Variants in ZNF205 observed in about 807,000 individuals in gnomAD.
The protein encoded by ZNF205 is transcriptional repressor RHIT.
ZNF205 carries 32 observed loss-of-function variants against 53.6 expected under a neutral mutation model. The observed-to-expected ratio is 0.60, with a 90% confidence interval of 0.45 to 0.80. ZNF205 has a LOEUF of 0.80. ZNF205 is among the 30% of genes least tolerant of loss of function. The pLI is 0.00. For missense variants in ZNF205, 836 were observed against 782.4 expected, an observed-to-expected ratio of 1.07 and a Z score of -0.82; for synonymous variants, 382 against 334.3, an observed-to-expected ratio of 1.14 and a Z score of -1.56.
chr16:3,119,195 C>T (rs889934237), intron 6 of ZNF205, 61 bp from the exon 7 acceptor site: 1 of 1,525,474 alleles, frequency 6.6e-7, no homozygotes. Flanking sequence ...TCTGCCTTCT[C>T]CACCCTCCTG....
At position 3,120,432 on chromosome 16, in the gene ZNF205, G is replaced by A. The variant is rs2151233629; in HGVS notation, c.*107G>A. 4.6e-6 allele frequency: 6 copies of A among 1,298,582 alleles called. No individual in the cohort carries two copies. Among genetic ancestry groups the A allele is most frequent in the Non-Finnish European group, 5.1e-6 (5 of 975,094 alleles). The allele number at this position is 1,298,582 out of a possible 1,614,324, so 80.4% of individuals were successfully genotyped here. A position where few individuals can be genotyped will look rare whatever the true frequency, so the allele number is the denominator to read the frequency against. Reference sequence around the variant, plus strand: ...GGCTCGGGAAGGGAGCTGGGGCGGTGAGGGCATGGGGTGAGGCATGGCGAT... The same window carrying A: ...GGCTCGGGAAGGGAGCTGGGGCGGTAAGGGCATGGGGTGAGGCATGGCGAT... On this transcript the variant is annotated 3_prime_UTR_variant, in exon 7 of 7. Coordinates refer to ENST00000219091, the MANE Select transcript of ZNF205 (RefSeq NM_001042428.2).
At position 3,119,836 on chromosome 16, in the gene ZNF205, C is replaced by A. The variant is rs757125615; in HGVS notation, c.1176C>A (p.Tyr392Ter). The change falls in exon 7 of 7, where the codon TAC (tyrosine) becomes TAA (stop). Residue 392 changes from tyrosine to a stop codon, truncating the protein, a stop_gained. Coordinates refer to ENST00000219091, the MANE Select transcript of ZNF205 (RefSeq NM_001042428.2). LOFTEE classifies it high-confidence loss of function. ...HQRIHTGEKP[Y>*]VCDRCAKRFT... ...GCATCCACACCGGAGAGAAGCCCTA[C>A]GTGTGCGACCGCTGCGCCAAGCGCT... 6.2e-7 allele frequency: 1 copy of A among 1,613,532 alleles called. No individual in the cohort carries two copies. The highest frequency in any genetic ancestry group is 1.7e-5 in the Admixed American group (1 of 60,004).
At chr16:3,116,698 A>G in intron 5 of ZNF205, 151 bp downstream of exon 5, 2 of 1,247,118 alleles carry the variant, frequency 1.6e-6, no homozygotes, top group South Asian at 1.6e-5. Context: ...AATGATGGAA[A>G]TGTTCTGTGT....
At chr16:3,118,175 T>G (rs1317990134) in intron 5 of ZNF205, among the ~76,000 whole-genome samples, 1 of 151,956 alleles carries the variant, frequency 6.6e-6, no homozygotes, top group East Asian at 1.9e-4. Context: ...CTAGCACACT[T>G]GCTAGTCCAG....
Position 3,118,973 on chromosome 16 carries a change from C to G in ZNF205, c.553C>G (p.Arg185Gly). ...HGKGEASGSSRQAGDEKEWRG... is the reference protein window; with the variant it reads ...HGKGEASGSSGQAGDEKEWRG... Reference sequence around the variant, plus strand: ...CAAGGGTGAGGCCTCGGGCTCCAGCCGGCAGGCAGGAGATGAGAAGGAGTG... The same window carrying G: ...CAAGGGTGAGGCCTCGGGCTCCAGCGGGCAGGCAGGAGATGAGAAGGAGTG... Residue 185 changes from arginine to glycine, a missense_variant, in exon 6 of 7, where the codon CGG becomes GGG. Coordinates refer to ENST00000219091, the MANE Select transcript of ZNF205 (RefSeq NM_001042428.2). 3.7e-6 allele frequency: 6 copies of G among 1,613,692 alleles called. No individual in the cohort carries two copies. The South Asian group carries it at 6.6e-5, about 18-fold the overall frequency.
At position 3,115,477 on chromosome 16, in the gene ZNF205, G is replaced by A. The variant is rs149393048; in HGVS notation, c.180G>A (p.Gly60=). 33 of 1,610,682 alleles carry A rather than the reference G, an allele frequency of 2.0e-5. 1 individual carries two copies. Among genetic ancestry groups the A allele is most frequent in the South Asian group, 4.4e-5 (4 of 90,626 alleles). The change falls in exon 3 of 7, where the codon GGG becomes GGA. Residue 60 remains glycine, a synonymous_variant. Coordinates refer to ENST00000219091, the MANE Select transcript of ZNF205 (RefSeq NM_001042428.2). ...AGCCCGAAGAGCCACACTCCGAGGG[G>A]GCATCGCAGGAGGATGGGGCTCAAG... is the stretch of plus-strand genomic sequence containing the variant. ...KMEPEEPHSE[G]ASQEDGAQGA...
intron 5 of ZNF205, among the ~76,000 whole-genome samples, chr16:3,118,450 A>G (rs1175241485): frequency 6.6e-6 from 1 of 152,150 alleles, no homozygotes; most frequent in Non-Finnish European, 1.5e-5. Context: ...CGGGTGGTGG[A>G]AGCCAGGGCC....
Position 3,120,508 on chromosome 16 carries a change from T to G in ZNF205, c.*183T>G. On this transcript the variant is annotated 3_prime_UTR_variant, in exon 7 of 7. Transcript: ENST00000219091. Reference sequence around the variant, plus strand: ...CAGGCACTCTGCGAATTAAAGGCCTTGGACTTGAAGCGCCCGCCTACACAG... The same window carrying G: ...CAGGCACTCTGCGAATTAAAGGCCTGGGACTTGAAGCGCCCGCCTACACAG... 6.2e-5 allele frequency: 45 copies of G among 731,360 alleles called. No individual in the cohort carries two copies. Among genetic ancestry groups the G allele is most frequent in the Middle Eastern group, 3.9e-4 (1 of 2,540 alleles). 45.3% of individuals were successfully genotyped at this position (731,360 alleles called of 1,614,324 possible).
rs759273154 is a variant in ZNF205 at position 3,119,810 on chromosome 16, C to T, written c.1150C>T (p.Arg384Cys). 3.1e-6 allele frequency: 5 copies of T among 1,613,746 alleles called. No homozygotes were observed. Among genetic ancestry groups the T allele is most frequent in the East Asian group, 4.5e-5 (2 of 44,862 alleles). Residue 384 changes from arginine (R) to cysteine (C), a missense_variant, in exon 7 of 7, where the codon CGC becomes TGC. By Grantham distance (180) the Arg-to-Cys change is radical. Transcript: ENST00000219091. ...SHHSTLIQHQRIHTGEKPYVC... is the reference protein window; with the variant it reads ...SHHSTLIQHQCIHTGEKPYVC... Reference sequence around the variant, plus strand: ...CCACTCCACGCTGATTCAGCACCAGCGCATCCACACCGGAGAGAAGCCCTA... The same window carrying T: ...CCACTCCACGCTGATTCAGCACCAGTGCATCCACACCGGAGAGAAGCCCTA...
At chr16:3,116,674 AT>A in intron 5 of ZNF205, 127 bp downstream of exon 5, 1 of 1,350,164 alleles carries the variant, frequency 7.4e-7, no homozygotes, top group South Asian at 1.5e-5. Context: ...GCACTGTTCT[AT>A]GGAAACTTCT....
At chr16:3,119,119 G>A (rs1214954023) in intron 6 of ZNF205, 104 bp downstream of exon 6, 2 of 1,513,148 alleles carry the variant, frequency 1.3e-6, no homozygotes, top group East Asian at 4.5e-5. Flanking sequence ...CCCCCTCCTG[G>A]GCGGTTTGCG....
At chr16:3,115,217 G>T in intron 2 of ZNF205, 138 bp from the exon 3 acceptor site, 1 of 636,280 alleles carries the variant, frequency 1.6e-6, no homozygotes, top group Non-Finnish European at 2.4e-6. Flanking sequence ...TTGCTGGGGT[G>T]AGCTGGATGA....
chr16:3,118,560 C>A lies in ZNF205; in HGVS notation c.485-345C>A, dbSNP rs562901493. ...TTAGTCGTTGGAGATCCTGGCCCTCCTGTCCCAGGTCCTCCCACTTGGAGG... is the reference window on the plus strand; with the variant it reads ...TTAGTCGTTGGAGATCCTGGCCCTCATGTCCCAGGTCCTCCCACTTGGAGG... On this transcript the variant is annotated intron_variant, in intron 5 of 6. Transcript: ENST00000219091. Among the ~76,000 whole-genome samples, 195 of 152,300 alleles carry A rather than the reference C, an allele frequency of 1.3e-3. 1 individual carries two copies. The highest frequency in any genetic ancestry group is 6.8e-3 in the Middle Eastern group (2 of 294).
At chr16:3,114,177 G>A (rs1163303598) in intron 2 of ZNF205, among the ~76,000 whole-genome samples, 1 of 152,206 alleles carries the variant, frequency 6.6e-6, no homozygotes, top group Non-Finnish European at 1.5e-5. Flanking sequence ...CTTCCCGTGT[G>A]CCTTGAACAC....
In ZNF205 at chr16:3,115,395, A is replaced by G; in HGVS notation, c.98A>G (p.Lys33Arg). ...CATCCTCATCAGGAAATGCCTTCTA[A>G]GCTGGGGGAGGCGGTACCTTCAGGG... ...RGHPHQEMPS[K>R]LGEAVPSGDT... Residue 33 changes from lysine (K) to arginine (R), a missense_variant, in exon 3 of 7, where the codon AAG becomes AGG. Lys to Arg is a conservative substitution (Grantham distance 26). Coordinates refer to ENST00000219091, the MANE Select transcript of ZNF205 (RefSeq NM_001042428.2). 6.2e-7 allele frequency: 1 copy of G among 1,608,294 alleles called. No individual in the cohort carries two copies. The highest frequency in any genetic ancestry group is 8.5e-7 in the Non-Finnish European group (1 of 1,177,466).
chr16:3,120,305 C>G lies in ZNF205; in HGVS notation c.1645C>G (p.Pro549Ala). The change falls in exon 7 of 7, where the codon CCC becomes GCC. Residue 549 changes from proline (P) to alanine (A), a missense_variant. By Grantham distance (27) the Pro-to-Ala change is conservative. Transcript: ENST00000219091. ...GAAAAGALAT[P>A]PPAPT Reference sequence around the variant, plus strand: ...GGCGGCGGCGGGGGCTCTGGCCACACCCCCACCCGCTCCCACCTAGGAGGC... The same window carrying G: ...GGCGGCGGCGGGGGCTCTGGCCACAGCCCCACCCGCTCCCACCTAGGAGGC... 1 of 1,568,070 alleles carries G rather than the reference C, an allele frequency of 6.4e-7. No homozygotes were observed. The highest frequency in any genetic ancestry group is 8.6e-7 in the Non-Finnish European group (1 of 1,165,480).
chr16:3,119,016 G>A lies in ZNF205; in HGVS notation c.595+1G>A, dbSNP rs763646621. On this transcript the variant is annotated splice_donor_variant, in intron 6 of 6. Transcript: ENST00000219091. LOFTEE classifies it high-confidence loss of function. ...AAGGAGTGGAGAGGCGCGTGCACAG[G>A]TGAGGGACGGGCGCGCGCCTTTGTC... The A allele has an allele frequency of 1.9e-6, 3 of 1,612,626 alleles. No individual in the cohort carries two copies. Among genetic ancestry groups the A allele is most frequent in the Non-Finnish European group, 2.5e-6 (3 of 1,179,678 alleles).
chr16:3,114,208 C>T (rs1957308908), intron 2 of ZNF205, among the ~76,000 whole-genome samples: 1 of 152,150 alleles, frequency 6.6e-6, no homozygotes, highest in Admixed American at 6.5e-5. Context: ...TCAGTAGAGC[C>T]CCACATGTTG....
chr16:3,119,216 G>A (rs771521441), intron 6 of ZNF205, 40 bp from the exon 7 acceptor site: 33 of 1,543,122 alleles, frequency 2.1e-5, no homozygotes, highest in Non-Finnish European at 2.8e-5. Flanking sequence ...GGGTCCTTAG[G>A]GAAGCTCGTC....
Sources: gnomAD v4.1 joint callset for allele counts (sites outside exome capture counted in the v4.1 genomes callset) on GRCh38, gnomAD v4.1.1 for gene constraint, MANE v1.5 for transcripts, NCBI Gene and HGNC (gene_info 2026-07-23, HGNC 2026-07-21) for gene names.